ALKAL1: variants seen among roughly 807,000 people sequenced by gnomAD.
ALKAL1 encodes the protein ALK and LTK ligand 1.
In ALKAL1, 23 loss-of-function variants were observed where a neutral mutation model predicts 13.5. The ratio of observed to expected loss-of-function variants is 1.70; its 90% confidence interval spans 1.23 to 2.41. ALKAL1 has a LOEUF of 2.41. ALKAL1 is among the 30% of genes most tolerant of loss of function. ALKAL1 has a pLI of 0.00. For missense variants in ALKAL1, 181 were observed against 178.4 expected, an observed-to-expected ratio of 1.01 and a Z score of -0.08; for synonymous variants, 85 against 77.7, an observed-to-expected ratio of 1.09 and a Z score of -0.49.
At chr8:52,561,141 A>T (rs1847546377) in intron 1 of ALKAL1, among the ~76,000 whole-genome samples, 1 of 152,174 alleles carries the variant, frequency 6.6e-6, no homozygotes, top group Non-Finnish European at 1.5e-5. Context: ...ATTTTTTATT[A>T]TTTATGTGAA....
chr8:52,554,979 G>T (rs190471886), intron 1 of ALKAL1, among the ~76,000 whole-genome samples: 1,818 of 152,176 alleles, frequency 0.012, 40 homozygotes, highest in African/African-American at 0.042. Flanking sequence ...AGACCATCCT[G>T]GCTAACACGG....
intron 1 of ALKAL1, among the ~76,000 whole-genome samples, chr8:52,548,045 A>AT (rs1289446314): frequency 1.3e-5 from 2 of 152,294 alleles, no homozygotes; most frequent in East Asian, 3.9e-4. Context: ...GTTGGACGGC[A>AT]TAAGTCTGAA....
Position 52,565,127 on chromosome 8 carries a change from G to A in ALKAL1, c.130C>T (p.Pro44Ser). 7.1e-7 allele frequency: 1 copy of A among 1,418,212 alleles called. No individual in the cohort carries two copies. 87.9% of individuals were successfully genotyped at this position (1,418,212 alleles called of 1,614,324 possible). Residue 44 changes from proline (P) to serine (S), a missense_variant, in exon 1 of 5, where the codon CCG becomes TCG. Pro to Ser is a moderately conservative substitution (Grantham distance 74). Transcript: ENST00000358543. ...GARVTDKEPK[P>S]LLFLPAAGAG... is the part of the protein sequence containing the mutation. ...CCGGCCGCGGGGAGGAAAAGCAACGGCTTGGGCTCCTTATCCGTGACGCGC... is the reference window on the plus strand; with the variant it reads ...CCGGCCGCGGGGAGGAAAAGCAACGACTTGGGCTCCTTATCCGTGACGCGC...
chr8:52,549,350 T>C (rs1847407338), intron 1 of ALKAL1, among the ~76,000 whole-genome samples: 1 of 151,786 alleles, frequency 6.6e-6, no homozygotes, highest in African/African-American at 2.4e-5. Context: ...TGAGAACTGT[T>C]TTCAGAGAAA....
intron 1 of ALKAL1, among the ~76,000 whole-genome samples, chr8:52,557,542 T>A (rs931238453): frequency 2.0e-5 from 3 of 152,242 alleles, no homozygotes; most frequent in Non-Finnish European, 4.4e-5. Context: ...TTTTCTCACA[T>A]GTAACCATTA....
In ALKAL1 at chr8:52,534,047, A is replaced by G. The variant is rs543233147; in HGVS notation, c.*566T>C. 1.3e-4 allele frequency: 20 copies of G among 152,366 alleles called. No individual in the cohort carries two copies. The highest frequency in any genetic ancestry group is 4.8e-4 in the African/African-American group (20 of 41,580). 9.4% of individuals were successfully genotyped at this position (152,366 alleles called of 1,614,324 possible). A position where few individuals can be genotyped will look rare whatever the true frequency, so the allele number is the denominator to read the frequency against. ...TTCAAAAGCATAACCTCTATTACAA[A>G]CATCTTTAATTCAAAGGAAACAACA... On this transcript the variant is annotated 3_prime_UTR_variant, in exon 5 of 5. Coordinates refer to ENST00000358543, the MANE Select transcript of ALKAL1 (RefSeq NM_207413.4).
intron 4 of ALKAL1, 75 bp downstream of exon 4, chr8:52,538,356 A>G: frequency 1.1e-6 from 1 of 888,370 alleles, no homozygotes; most frequent in Non-Finnish European, 1.8e-6. Flanking sequence ...TGTGTCAACT[A>G]AAAAGAAAAG....
At chr8:52,535,071 A>T (rs1177280644) in intron 4 of ALKAL1, among the ~76,000 whole-genome samples, 1 of 152,206 alleles carries the variant, frequency 6.6e-6, no homozygotes, top group Non-Finnish European at 1.5e-5. Flanking sequence ...TGTGTACATT[A>T]TCTTAAATTA....
At chr8:52,550,918 A>T (rs1438699779) in intron 1 of ALKAL1, among the ~76,000 whole-genome samples, 1 of 152,172 alleles carries the variant, frequency 6.6e-6, no homozygotes, top group African/African-American at 2.4e-5. Flanking sequence ...ATAGGGCCAC[A>T]CTCTGAGGCA....
At chr8:52,543,711 A>G (rs1847337426) in intron 1 of ALKAL1, among the ~76,000 whole-genome samples, 2 of 152,154 alleles carry the variant, frequency 1.3e-5, no homozygotes, top group Non-Finnish European at 1.5e-5. Context: ...TTTCCCCTGT[A>G]CTTCTCAGAA....
chr8:52,539,616 G>C (rs1590864974), intron 3 of ALKAL1, among the ~76,000 whole-genome samples: 1 of 152,036 alleles, frequency 6.6e-6, no homozygotes, highest in Non-Finnish European at 1.5e-5. Context: ...GCTATTATCA[G>C]ATTTGAGTAG....
intron 1 of ALKAL1, among the ~76,000 whole-genome samples, chr8:52,549,669 C>T (rs6980833): frequency 0.32 from 47,970 of 151,852 alleles, 8,103 homozygotes; most frequent in Non-Finnish European, 0.39. Flanking sequence ...TGGCCGGGCA[C>T]GGTGTCTCAT....
chr8:52,535,550 CAAAAAAAA>C (rs10719477), intron 4 of ALKAL1, among the ~76,000 whole-genome samples: 3 of 68,632 alleles, frequency 4.4e-5, no homozygotes, highest in African/African-American at 1.8e-4. Context: ...GACCCTGTCT[CAAAAAAAA>C]AAAAAAAAAA....
chr8:52,549,665 G>A (rs889828841), intron 1 of ALKAL1, among the ~76,000 whole-genome samples: 1 of 151,958 alleles, frequency 6.6e-6, no homozygotes, highest in Non-Finnish European at 1.5e-5. Context: ...AAATTGGCCG[G>A]GCACGGTGTC....
chr8:52,547,508 T>C (rs1847382473), intron 1 of ALKAL1, among the ~76,000 whole-genome samples: 2 of 151,770 alleles, frequency 1.3e-5, no homozygotes, highest in African/African-American at 4.8e-5. Flanking sequence ...TCAAAATAAA[T>C]AAATAAATAA....
intron 1 of ALKAL1, among the ~76,000 whole-genome samples, chr8:52,556,802 T>G (rs1847488892): frequency 1.3e-5 from 2 of 152,178 alleles, no homozygotes; most frequent in Admixed American, 6.5e-5. Context: ...ATGTGTTACA[T>G]TTCCTTTCTT....
At chr8:52,554,654 A>C (rs141657515) in intron 1 of ALKAL1, among the ~76,000 whole-genome samples, 2 of 152,222 alleles carry the variant, frequency 1.3e-5, no homozygotes, top group African/African-American at 4.8e-5. Flanking sequence ...AAAAGGAAGA[A>C]GATACCTTTT....
In ALKAL1 at chr8:52,560,539, T is replaced by C. The variant is rs117578665; in HGVS notation, c.190+4528A>G. Reference sequence around the variant, plus strand: ...GAAAAAAATTGCCATTAAAAAGGAATTGTTTTAATCCTAGGTTTTCCTAAC... The same window carrying C: ...GAAAAAAATTGCCATTAAAAAGGAACTGTTTTAATCCTAGGTTTTCCTAAC... On this transcript the variant is annotated intron_variant, in intron 1 of 4. Coordinates refer to ENST00000358543, the MANE Select transcript of ALKAL1 (RefSeq NM_207413.4). Among the ~76,000 whole-genome samples the C allele has an allele frequency of 4.5e-3, 680 of 152,280 alleles. 3 individuals are homozygous for C. Among genetic ancestry groups the C allele is most frequent in the Non-Finnish European group, 7.4e-3 (503 of 68,030 alleles).
chr8:52,557,998 A>C (rs901293271), intron 1 of ALKAL1, among the ~76,000 whole-genome samples: 5 of 148,704 alleles, frequency 3.4e-5, no homozygotes, highest in Non-Finnish European at 5.9e-5. Flanking sequence ...AGAAGTATAA[A>C]ATGTTCATAC....
Sources: allele counts gnomAD v4.1 joint callset (sites outside exome capture counted in the v4.1 genomes callset), GRCh38; gene constraint gnomAD v4.1.1; transcripts MANE v1.5; gene names NCBI Gene and HGNC (gene_info 2026-07-23, HGNC 2026-07-21).